The following RIMS1 variants were observed in gnomAD, a reference collection of about 807,000 sequenced individuals.
The protein encoded by RIMS1 is regulating synaptic membrane exocytosis 1, also known as regulating synaptic membrane exocytosis protein 1.
Under a neutral mutation model 214.1 loss-of-function variants are expected in RIMS1, and 83 were observed. That is an observed-to-expected ratio of 0.39 (90% confidence interval 0.32 to 0.47). RIMS1 has a LOEUF of 0.47. Among genes scored for constraint, RIMS1 ranks in the 20% least tolerant of loss-of-function variants. The pLI is 0.99. For missense variants in RIMS1, 2,050 were observed against 2,161.8 expected (o/e 0.95, Z 1.03); for synonymous variants, 793 against 786.8 (o/e 1.01, Z -0.13).
rs2098522665 is a variant in RIMS1, at chr6:72,383,185, A to G, written c.4367-7413A>G. Among the ~76,000 whole-genome samples the G allele has an allele frequency of 2.6e-5, 4 of 152,170 alleles. No individual in the cohort carries two copies. The South Asian group carries it at 8.3e-4, about 31-fold the overall frequency. Reference sequence around the variant, plus strand: ...CTTCTCTTCATATCATTGAATTTACATAACATAAATACATAAAGTTAAATA... The same window carrying G: ...CTTCTCTTCATATCATTGAATTTACGTAACATAAATACATAAAGTTAAATA... On this transcript the variant is annotated intron_variant, in intron 29 of 33. Coordinates refer to ENST00000521978, the MANE Select transcript of RIMS1 (RefSeq NM_014989.7).
intron 23 of RIMS1, among the ~76,000 whole-genome samples, chr6:72,281,900 G>T (rs2090278478): frequency 6.6e-6 from 1 of 151,810 alleles, no homozygotes; most frequent in Non-Finnish European, 1.5e-5. Context: ...GCTACTTTTT[G>T]TTGTTTATTT....
At chr6:72,221,244 A>G (rs2154041244) in intron 6 of RIMS1, among the ~76,000 whole-genome samples, 1 of 151,914 alleles carries the variant, frequency 6.6e-6, no homozygotes, top group African/African-American at 2.4e-5. Context: ...AATGTGATAC[A>G]GTGATAATTA....
chr6:72,249,228 GA>G (rs1214233116), intron 12 of RIMS1, among the ~76,000 whole-genome samples: 6 of 152,026 alleles, frequency 3.9e-5, no homozygotes, highest in Admixed American at 6.6e-5. Flanking sequence ...TAAATTAAAG[GA>G]AAAAAATTAA....
At chr6:72,205,324 G>T (rs977824972) in intron 6 of RIMS1, among the ~76,000 whole-genome samples, 1 of 152,086 alleles carries the variant, frequency 6.6e-6, no homozygotes, top group African/African-American at 2.4e-5. Context: ...CACAAAACAG[G>T]TTAGGAAGCT....
At chr6:72,164,243 C>T (rs150639861) in intron 4 of RIMS1, among the ~76,000 whole-genome samples, 3,589 of 152,188 alleles carry the variant, frequency 0.024, 126 homozygotes, top group African/African-American at 0.081. Flanking sequence ...GTTGGCAAAG[C>T]GCAGTATTAG....
In RIMS1 at chr6:72,222,675, T is replaced by C. The variant is rs114874320; in HGVS notation, c.1679-11098T>C. Among the ~76,000 whole-genome samples the C allele has an allele frequency of 8.1e-3, 1,233 of 152,322 alleles. 19 individuals are homozygous for C. The highest frequency in any genetic ancestry group is 0.029 in the African/African-American group (1,198 of 41,596). On this transcript the variant is annotated intron_variant, in intron 6 of 33. Coordinates refer to ENST00000521978, the MANE Select transcript of RIMS1 (RefSeq NM_014989.7). ...TTATGATTATTGCTATTTGTTTACA[T>C]TGTTTTAATTAAAGTTTATCTCATC...
intron 23 of RIMS1, among the ~76,000 whole-genome samples, chr6:72,279,691 A>G (rs2089024765): frequency 6.6e-6 from 1 of 152,044 alleles, no homozygotes; most frequent in African/African-American, 2.4e-5. Context: ...TAAACATCTA[A>G]TCATTCAAAA....
chr6:72,339,341 G>A (rs1043830554), intron 29 of RIMS1, among the ~76,000 whole-genome samples: 5 of 151,860 alleles, frequency 3.3e-5, no homozygotes, highest in Non-Finnish European at 7.4e-5. Context: ...GTGCAGGTTT[G>A]TTACATATGT....
At chr6:72,057,286 C>A (rs1402471097) in intron 2 of RIMS1, among the ~76,000 whole-genome samples, 3 of 152,066 alleles carry the variant, frequency 2.0e-5, no homozygotes, top group Admixed American at 6.5e-5. Flanking sequence ...ACCATATAAC[C>A]AATACATACG....
rs868801085 is a variant in RIMS1 at position 72,264,974 on chromosome 6, G to C, written c.3117-1G>C. The C allele has an allele frequency of 1.3e-6, 2 of 1,578,600 alleles. No individual in the cohort carries two copies. The highest frequency in any genetic ancestry group is 2.7e-5 in the African/African-American group (2 of 73,956). ...TGCGTGTTTGTGTTGCTACGTTCCA[G>C]ACATCTTGTTAGGCACTATAAAACA... On this transcript the variant is annotated splice_acceptor_variant, in intron 19 of 33. Coordinates refer to ENST00000521978, the MANE Select transcript of RIMS1 (RefSeq NM_014989.7). LOFTEE classifies it high-confidence loss of function.
At position 72,163,360 on chromosome 6, in the gene RIMS1, C is replaced by T. The variant is rs1312033238; in HGVS notation, c.472-16215C>T. ...CTCCTTTAGTTCAGAGTAGTTTGATCATCTGAAGCCTTCTTCTCTCGACTC... is the reference window on the plus strand; with the variant it reads ...CTCCTTTAGTTCAGAGTAGTTTGATTATCTGAAGCCTTCTTCTCTCGACTC... On this transcript the variant is annotated intron_variant, in intron 4 of 33. Transcript: ENST00000521978. Among the ~76,000 whole-genome samples, 2 of 140,406 alleles carry T rather than the reference C, an allele frequency of 1.4e-5. 1 individual carries two copies. Among genetic ancestry groups the T allele is most frequent in the Non-Finnish European group, 3.2e-5 (2 of 61,710 alleles). The allele number at this position is 140,406 out of a possible 152,430, so 92.1% of individuals were successfully genotyped here.
Position 72,251,711 on chromosome 6 carries a change from A to AT in RIMS1, c.2698+349dup, listed in dbSNP as rs564309582. The stretch of plus-strand genomic sequence containing the variant: ...GTCTTAATAACTTTATAGTTCAAAG[A>AT]TTTTTTCTCCCCCCACCGAGAGAGA... On this transcript the variant is annotated intron_variant, in intron 15 of 33. Transcript: ENST00000521978. Among the ~76,000 whole-genome samples, 341 of 151,566 alleles carry AT rather than the reference A, an allele frequency of 2.2e-3. 1 individual carries two copies. Among genetic ancestry groups the AT allele is most frequent in the African/African-American group, 7.7e-3 (319 of 41,276 alleles).
intron 29 of RIMS1, among the ~76,000 whole-genome samples, chr6:72,370,808 T>C (rs1350192202): frequency 2.6e-5 from 4 of 151,622 alleles, no homozygotes; most frequent in Non-Finnish European, 5.9e-5. Flanking sequence ...ATAAAGAGAA[T>C]AAAGTAGAGA....
chr6:71,964,182 G>A (rs776111685), intron 1 of RIMS1, among the ~76,000 whole-genome samples: 7 of 152,288 alleles, frequency 4.6e-5, no homozygotes, highest in South Asian at 2.1e-4. Context: ...AAGGGGTTTA[G>A]TCATACCAGT....
intron 6 of RIMS1, among the ~76,000 whole-genome samples, chr6:72,196,373 G>GTCTGTCTA (rs369895233): frequency 9.8e-6 from 1 of 102,358 alleles, no homozygotes; most frequent in African/African-American, 3.8e-5. Context: ...CTGTCTGTCT[G>GTCTGTCTA]TCTGTCTATC....
At chr6:72,213,288 A>G in intron 6 of RIMS1, 1 of 1,301,280 alleles carries the variant, frequency 7.7e-7, no homozygotes, top group Non-Finnish European at 1.0e-6. Flanking sequence ...TATATTTAAC[A>G]CTCCCTCTGT....
chr6:72,293,255 C>T (rs2093657852), intron 26 of RIMS1, among the ~76,000 whole-genome samples: 2 of 151,844 alleles, frequency 1.3e-5, no homozygotes, highest in African/African-American at 2.4e-5. Flanking sequence ...AAATGGTATT[C>T]ATTTAGTGAA....
chr6:72,008,915 C>T (rs1282233802), intron 2 of RIMS1, among the ~76,000 whole-genome samples: 4 of 152,050 alleles, frequency 2.6e-5, no homozygotes, highest in Admixed American at 2.0e-4. Flanking sequence ...GACAGATCAA[C>T]GAGACAGAAA....
chr6:71,939,204 C>T (rs867254992), intron 1 of RIMS1, among the ~76,000 whole-genome samples: 42 of 152,320 alleles, frequency 2.8e-4, no homozygotes, highest in African/African-American at 7.5e-4. Context: ...GTACCATCTG[C>T]GATGTCATAA....
Sources: gnomAD v4.1 joint callset for allele counts (sites outside exome capture counted in the v4.1 genomes callset) on GRCh38, gnomAD v4.1.1 for gene constraint, MANE v1.5 for transcripts, NCBI Gene and HGNC (gene_info 2026-07-23, HGNC 2026-07-21) for gene names.